IFT74: variants seen among roughly 807,000 people sequenced by gnomAD.
IFT74 encodes intraflagellar transport 74.
A neutral mutation model predicts 96.7 loss-of-function variants in IFT74; 92 were observed. The ratio of observed to expected loss-of-function variants is 0.95; its 90% CI spans 0.80 to 1.13. The LOEUF is 1.13. Among genes scored for constraint, IFT74 ranks in the 50% most tolerant of loss-of-function variants. The pLI, the probability that IFT74 is intolerant of heterozygous loss-of-function variation, is 0.00. For missense variants in IFT74, 811 were observed against 698.2 expected (o/e 1.16, Z -1.82); for synonymous variants, 223 against 213.2 (o/e 1.05, Z -0.40).
At chr9:26,986,956 A>G (rs189968178) in intron 6 of IFT74, among the ~76,000 whole-genome samples, 1 of 152,172 alleles carries the variant, frequency 6.6e-6, no homozygotes, top group Non-Finnish European at 1.5e-5. Flanking sequence ...GGACTACACA[A>G]TTCATCACAA....
chr9:26,956,715 C>T (rs1292744248), intron 1 of IFT74, among the ~76,000 whole-genome samples, 199 bp downstream of exon 1: 3 of 151,410 alleles, frequency 2.0e-5, no homozygotes, highest in African/African-American at 7.3e-5. Context: ...AACAGCCCGA[C>T]CCCTCCCCGA....
At chr9:26,972,258 C>CT (rs1322889700) in intron 2 of IFT74, among the ~76,000 whole-genome samples, 14 of 152,092 alleles carry the variant, frequency 9.2e-5, no homozygotes, top group Admixed American at 7.9e-4. Flanking sequence ...ATTCACCTCT[C>CT]TATTTTTTGG....
intron 10 of IFT74, among the ~76,000 whole-genome samples, chr9:27,013,944 G>A (rs562154581): frequency 2.0e-5 from 3 of 152,296 alleles, no homozygotes; most frequent in African/African-American, 7.2e-5. Flanking sequence ...GGCTGGGCGT[G>A]GTGGCTCACG....
chr9:27,036,941 G>A lies in IFT74; in HGVS notation c.1055-7801G>A, dbSNP rs905713510. On this transcript the variant is annotated intron_variant, in intron 13 of 19. Coordinates refer to ENST00000380062, the MANE Select transcript of IFT74 (RefSeq NM_025103.4). Reference sequence around the variant, plus strand: ...GATAAAATGCTTGCAGAGACTGGTCGGGCACAGTGGCTCACGCCTGTAATC... The same window carrying A: ...GATAAAATGCTTGCAGAGACTGGTCAGGCACAGTGGCTCACGCCTGTAATC... 1.4e-5 allele frequency: 8 copies of A among 567,454 alleles called. No individual in the cohort carries two copies. In the East Asian group the frequency reaches 4.3e-4, roughly 30 times the overall value. 35.2% of individuals were successfully genotyped at this position (567,454 alleles called of 1,614,324 possible).
In IFT74 at chr9:27,064,290, C is replaced by T. The variant is rs1820542507; in HGVS notation, c.*1554C>T. Among the ~76,000 whole-genome samples, 1 of 152,002 alleles carries T rather than the reference C, an allele frequency of 6.6e-6. No individual in the cohort carries two copies. The highest frequency in any genetic ancestry group is 2.4e-5 in the African/African-American group (1 of 41,398). On this transcript the variant is annotated 3_prime_UTR_variant, in exon 20 of 20. Coordinates refer to ENST00000380062, the MANE Select transcript of IFT74 (RefSeq NM_025103.4). ...GACTCCTGAGTATGTCTCTTTTTAG[C>T]CACCCTCAGCTGTTTTATGCTGTGA...
At chr9:26,984,588 T>G in intron 6 of IFT74, 29 bp downstream of exon 6, 1 of 1,540,718 alleles carries the variant, frequency 6.5e-7, no homozygotes. Flanking sequence ...GAGAATTTAC[T>G]GTTAATATTT....
chr9:27,018,699 T>G lies in IFT74; in HGVS notation c.974+12T>G. 2 of 1,489,824 alleles carry G rather than the reference T, an allele frequency of 1.3e-6. No homozygotes were observed. Among genetic ancestry groups the G allele is most frequent in the Non-Finnish European group, 1.8e-6 (2 of 1,083,000 alleles). The allele number at this position is 1,489,824 out of a possible 1,614,324, so 92.3% of individuals were successfully genotyped here. ...AGCATGGAAAGACAGTAAGTATCTTTATACTAGGACATTTTACATCCATTT... is the reference window on the plus strand; with the variant it reads ...AGCATGGAAAGACAGTAAGTATCTTGATACTAGGACATTTTACATCCATTT... On this transcript the variant is annotated intron_variant, in intron 12 of 19. Transcript: ENST00000380062.
intron 13 of IFT74, chr9:27,036,303 G>A: frequency 8.4e-7 from 1 of 1,188,866 alleles, no homozygotes. Flanking sequence ...AGGGTCAACT[G>A]TATTTCCCAG....
chr9:27,006,497 T>A (rs2131595320), intron 8 of IFT74, among the ~76,000 whole-genome samples: 1 of 152,122 alleles, frequency 6.6e-6, no homozygotes, highest in East Asian at 1.9e-4. Context: ...CCCAGTTACC[T>A]GGGTGGCTGA....
intron 2 of IFT74, among the ~76,000 whole-genome samples, chr9:26,969,674 T>A (rs1019438117): frequency 2.0e-5 from 3 of 152,124 alleles, no homozygotes; most frequent in Non-Finnish European, 4.4e-5. Flanking sequence ...TTTTTATCTT[T>A]ATGTTTTGAT....
At chr9:27,032,890 TCTTTTAAA>T (rs1435783192) in intron 13 of IFT74, among the ~76,000 whole-genome samples, 1 of 151,814 alleles carries the variant, frequency 6.6e-6, no homozygotes, top group Admixed American at 6.6e-5. Flanking sequence ...AAAAAAAAAG[TCTTTTAAA>T]CTACTTAAAA....
At chr9:26,978,709 C>T (rs553968877) in intron 3 of IFT74, among the ~76,000 whole-genome samples, 2 of 152,184 alleles carry the variant, frequency 1.3e-5, no homozygotes, top group Admixed American at 1.3e-4. Flanking sequence ...ATTAAAATGA[C>T]ACTTAAAATA....
intron 13 of IFT74, among the ~76,000 whole-genome samples, chr9:27,041,712 T>C (rs1691508308): frequency 6.6e-6 from 1 of 152,184 alleles, no homozygotes; most frequent in South Asian, 2.1e-4. Context: ...TAAGGATATA[T>C]TTGCTAAAAA....
chr9:26,977,676 A>G (rs1827185692), intron 2 of IFT74, among the ~76,000 whole-genome samples: 1 of 151,882 alleles, frequency 6.6e-6, no homozygotes. Flanking sequence ...TTTAGTAGTG[A>G]TGGGGTTTTG....
At chr9:26,968,382 C>T (rs1826726045) in intron 2 of IFT74, among the ~76,000 whole-genome samples, 1 of 152,022 alleles carries the variant, frequency 6.6e-6, no homozygotes, top group Admixed American at 6.6e-5. Flanking sequence ...CTTTCTCAGC[C>T]TCCCAAGTAG....
At chr9:27,033,909 A>G (rs1477943533) in intron 13 of IFT74, among the ~76,000 whole-genome samples, 2 of 152,180 alleles carry the variant, frequency 1.3e-5, no homozygotes, top group Non-Finnish European at 2.9e-5. Context: ...AATGCTAGCC[A>G]TAAGTTTTTT....
At chr9:26,953,777 T>C (rs1360900506), upstream of IFT74, among the ~76,000 whole-genome samples, 1 of 138,206 alleles carries the variant, frequency 7.2e-6, no homozygotes. Context: ...CCCAAAATGT[T>C]GGGATTAGAG....
chr9:26,979,505 G>C (rs1404023632), intron 3 of IFT74, among the ~76,000 whole-genome samples: 1 of 151,828 alleles, frequency 6.6e-6, no homozygotes, highest in African/African-American at 2.4e-5. Context: ...AGAGAATTCG[G>C]AACATTACCA....
chr9:27,028,915 T>C, intron 12 of IFT74, 110 bp from the exon 13 acceptor site: 1 of 923,078 alleles, frequency 1.1e-6, no homozygotes, highest in Non-Finnish European at 1.6e-6. Context: ...AGACATATTA[T>C]TTTTAGATAT....
Sources: allele counts gnomAD v4.1 joint callset (sites outside exome capture counted in the v4.1 genomes callset), GRCh38; gene constraint gnomAD v4.1.1; transcripts MANE v1.5; gene names NCBI Gene and HGNC (gene_info 2026-07-23, HGNC 2026-07-21).